FOXA3: variants seen among roughly 807,000 people sequenced by gnomAD.
FOXA3 encodes the protein hepatocyte nuclear factor 3-gamma.
A neutral mutation model predicts 16.9 loss-of-function variants in FOXA3; 11 were observed. That is an observed-to-expected ratio of 0.65 (90% confidence interval 0.41 to 1.08). FOXA3 has a LOEUF of 1.08. FOXA3 is among the 50% of genes least tolerant of loss of function. FOXA3 has a pLI of 0.00. For missense variants in FOXA3, 423 were observed against 470.1 expected, an observed-to-expected ratio of 0.90 and a Z score of 0.93; for synonymous variants, 217 against 203.3, an observed-to-expected ratio of 1.07 and a Z score of -0.57.
Position 45,867,779 on chromosome 19 carries a change from C to CAAAAAAA in FOXA3, c.69+3267_69+3273dup, listed in dbSNP as rs60785587. Among the ~76,000 whole-genome samples, 272 of 55,450 alleles carry CAAAAAAA rather than the reference C, an allele frequency of 4.9e-3. 20 individuals are homozygous for CAAAAAAA. The highest frequency in any genetic ancestry group is 9.3e-3 in the African/African-American group (93 of 10,034). 36.4% of individuals were successfully genotyped at this position (55,450 alleles called of 152,430 possible). A position where few individuals can be genotyped will look rare whatever the true frequency, so the allele number is the denominator to read the frequency against. ...TGGGTGACAGAGTGAGACTCTATCTCAAAAAAAAAAAAAAAAAAAGACAAG... is the reference window on the plus strand; with the variant it reads ...TGGGTGACAGAGTGAGACTCTATCTCAAAAAAAAAAAAAAAAAAAAAAAAAAGACAAG... On this transcript the variant is annotated intron_variant, in intron 1 of 1. Transcript: ENST00000302177.
chr19:45,866,256 A>T (rs76069409), intron 1 of FOXA3, among the ~76,000 whole-genome samples: 7,449 of 151,372 alleles, frequency 0.049, 226 homozygotes, highest in Non-Finnish European at 0.061. Context: ...TAAAAAAAAA[A>T]TTTTTTTTTA....
At chr19:45,869,731 G>C (rs2096174593) in intron 1 of FOXA3, among the ~76,000 whole-genome samples, 1 of 152,064 alleles carries the variant, frequency 6.6e-6, no homozygotes, top group Non-Finnish European at 1.5e-5. Flanking sequence ...AGGTTGAAAA[G>C]TGATTTCTGA....
At chr19:45,870,271 G>A (rs547648600) in intron 1 of FOXA3, among the ~76,000 whole-genome samples, 4 of 150,088 alleles carry the variant, frequency 2.7e-5, no homozygotes, top group South Asian at 2.1e-4. Context: ...CCGGGTTCAC[G>A]CCATTCTCCT....
chr19:45,872,161 T>TG lies in FOXA3; in HGVS notation c.162dup (p.Leu55AlafsTer88), dbSNP rs761305525. The TG allele has an allele frequency of 6.3e-7, 1 of 1,589,078 alleles. No individual in the cohort carries two copies. Among genetic ancestry groups the TG allele is most frequent in the Non-Finnish European group, 8.6e-7 (1 of 1,167,040 alleles). The stretch of plus-strand genomic sequence containing the variant: ...ATCCTCTAAGCTCTCCCTATCCCCC[T>TG]GGGGGGCTCCCTGCCTCCCCACTGC... On this transcript the variant is annotated frameshift_variant, in exon 2 of 2. Transcript: ENST00000302177. LOFTEE classifies it high-confidence loss of function. This position sits in a 1 kb window ranked among gnomAD's most constrained non-coding sequence, Gnocchi z 4.5.
intron 1 of FOXA3, among the ~76,000 whole-genome samples, chr19:45,867,455 A>ATG (rs1972094625): frequency 2.0e-5 from 3 of 147,874 alleles, no homozygotes; most frequent in African/African-American, 7.4e-5. Context: ...ATAGATAGAT[A>ATG]GATGCATGGA....
intron 1 of FOXA3, among the ~76,000 whole-genome samples, chr19:45,866,839 T>C (rs1163225800): frequency 6.6e-5 from 10 of 152,088 alleles, no homozygotes; most frequent in African/African-American, 2.4e-4. Context: ...CTGGGTTGGG[T>C]CTGGGACTAG....
chr19:45,873,556 G>A lies in FOXA3; in HGVS notation c.*498G>A, dbSNP rs2146363803. The stretch of plus-strand genomic sequence containing the variant: ...TCAGTGGGCCACCATGTGCCATGAT[G>A]GCTGCTGCAGCCCCGTGTTGGCCAT... On this transcript the variant is annotated 3_prime_UTR_variant, in exon 2 of 2. Transcript: ENST00000302177. 1 of 173,722 alleles carries A rather than the reference G, an allele frequency of 5.8e-6. No homozygotes were observed. The highest frequency in any genetic ancestry group is 1.5e-4 in the East Asian group (1 of 6,686). 10.8% of individuals were successfully genotyped at this position (173,722 alleles called of 1,614,324 possible). A position where few individuals can be genotyped will look rare whatever the true frequency, so the allele number is the denominator to read the frequency against.
chr19:45,873,349 T>A lies in FOXA3; in HGVS notation c.*291T>A. On this transcript the variant is annotated 3_prime_UTR_variant, in exon 2 of 2. Coordinates refer to ENST00000302177, the MANE Select transcript of FOXA3 (RefSeq NM_004497.3). ...TGATGGCCACCATCTCGGTTGGCCCTTTGGGTGTGATGGTGATAGCATTTC... is the reference window on the plus strand; with the variant it reads ...TGATGGCCACCATCTCGGTTGGCCCATTGGGTGTGATGGTGATAGCATTTC... The A allele has an allele frequency of 2.1e-6, 1 of 474,226 alleles. No individual in the cohort carries two copies. Among genetic ancestry groups the A allele is most frequent in the Non-Finnish European group, 3.8e-6 (1 of 261,182 alleles). 29.4% of individuals were successfully genotyped at this position (474,226 alleles called of 1,614,324 possible).
Position 45,873,069 on chromosome 19 carries a change from G to A in FOXA3, c.*11G>A. 1.9e-6 allele frequency: 3 copies of A among 1,576,782 alleles called. No homozygotes were observed. Among genetic ancestry groups the A allele is most frequent in the Non-Finnish European group, 2.6e-6 (3 of 1,160,390 alleles). ...CTTAATGCATCCTAGCAGGGGTTGGGAACATGGTGGTGGGTATGGCTGGAG... is the reference window on the plus strand; with the variant it reads ...CTTAATGCATCCTAGCAGGGGTTGGAAACATGGTGGTGGGTATGGCTGGAG... On this transcript the variant is annotated 3_prime_UTR_variant, in exon 2 of 2. Transcript: ENST00000302177.
At chr19:45,867,546 G>A (rs1195359695) in intron 1 of FOXA3, among the ~76,000 whole-genome samples, 2 of 152,006 alleles carry the variant, frequency 1.3e-5, no homozygotes, top group Non-Finnish European at 2.9e-5. Flanking sequence ...TTGGGAGGCC[G>A]AAGAGGGTGG....
rs1972058984 is a variant in FOXA3 at position 45,864,513 on chromosome 19, G to A, written c.57G>A (p.Pro19=). ...ACCTGGCCGAGTGGAGCTACTACCC[G>A]GAGGCGGGCGAGGTGTGTCCTCGGG... is the stretch of plus-strand genomic sequence containing the variant. The part of the protein sequence containing the change: ...AHDLAEWSYY[P]EAGEVYSPVT... The change falls in exon 1 of 2, where the codon CCG becomes CCA. Residue 19 remains proline (P), a synonymous_variant. Coordinates refer to ENST00000302177, the MANE Select transcript of FOXA3 (RefSeq NM_004497.3). 6.5e-7 allele frequency: 1 copy of A among 1,548,338 alleles called. No individual in the cohort carries two copies. The highest frequency in any genetic ancestry group is 2.5e-5 in the East Asian group (1 of 40,230).
intron 1 of FOXA3, among the ~76,000 whole-genome samples, chr19:45,866,796 ACT>A (rs1223535153): frequency 1.3e-5 from 2 of 152,150 alleles, no homozygotes; most frequent in African/African-American, 4.8e-5. Context: ...GAGGTGGTTA[ACT>A]CTGAAGCCCC....
At chr19:45,867,198 G>A (rs1972092097) in intron 1 of FOXA3, among the ~76,000 whole-genome samples, 1 of 152,116 alleles carries the variant, frequency 6.6e-6, no homozygotes. Flanking sequence ...GAGCCTGACT[G>A]GGTTGCAGAA....
chr19:45,869,681 T>A (rs549428842), intron 1 of FOXA3, among the ~76,000 whole-genome samples: 1 of 152,332 alleles, frequency 6.6e-6, no homozygotes, highest in East Asian at 1.9e-4. Flanking sequence ...TCCAGAGAAG[T>A]CTTAGATTTG....
chr19:45,870,654 C>CA (rs1371098759), intron 1 of FOXA3, among the ~76,000 whole-genome samples: 1 of 150,574 alleles, frequency 6.6e-6, no homozygotes, highest in Non-Finnish European at 1.5e-5. Flanking sequence ...ACCGCAGCCT[C>CA]AGACTCCTGG....
At chr19:45,868,363 T>C (rs1174245296) in intron 1 of FOXA3, among the ~76,000 whole-genome samples, 1 of 152,078 alleles carries the variant, frequency 6.6e-6, no homozygotes, top group African/African-American at 2.4e-5. Context: ...GAGGATCACC[T>C]GAGGTCAGGA....
chr19:45,871,820 A>G (rs1183263423), intron 1 of FOXA3, among the ~76,000 whole-genome samples: 1 of 152,092 alleles, frequency 6.6e-6, no homozygotes, highest in Admixed American at 6.5e-5. Flanking sequence ...GGAGTCCCGA[A>G]CCCTGGAGAA....
chr19:45,871,174 G>T (rs1966900348), intron 1 of FOXA3, among the ~76,000 whole-genome samples: 1 of 152,148 alleles, frequency 6.6e-6, no homozygotes, highest in Non-Finnish European at 1.5e-5. Context: ...AATTAAAACT[G>T]AGAAATATTA....
chr19:45,868,029 A>G (rs60412322), intron 1 of FOXA3, among the ~76,000 whole-genome samples: 7,554 of 151,046 alleles, frequency 0.05, 636 homozygotes, highest in African/African-American at 0.18. Flanking sequence ...AAGGGAAAAC[A>G]ATGCGGGGGT....
Sources: gnomAD v4.1 joint callset for allele counts (sites outside exome capture counted in the v4.1 genomes callset) on GRCh38, gnomAD v4.1.1 for gene constraint, Gnocchi (gnomAD v3.1) non-coding constraint, MANE v1.5 for transcripts, NCBI Gene and HGNC (gene_info 2026-07-23, HGNC 2026-07-21) for gene names.